CCDC28A: variants seen among roughly 807,000 people sequenced by gnomAD.
CCDC28A encodes the protein coiled-coil domain containing 28A, also known as coiled-coil domain-containing protein 28A.
Under a neutral mutation model 22.1 loss-of-function variants are expected in CCDC28A, and 24 were observed. The ratio of observed to expected loss-of-function variants is 1.09; its 90% CI spans 0.79 to 1.53. The LOEUF is 1.53. Among genes scored for constraint, CCDC28A ranks in the 40% most tolerant of loss-of-function variants. The pLI is 0.00. For missense variants in CCDC28A, 170 were observed against 210.7 expected (o/e 0.81, Z 1.20); for synonymous variants, 83 against 74.7 (o/e 1.11, Z -0.57).
intron 4 of CCDC28A, among the ~76,000 whole-genome samples, chr6:138,785,670 ATTATTTTACTTAATG>A (rs1264756892): frequency 6.6e-6 from 1 of 152,118 alleles, no homozygotes; most frequent in Non-Finnish European, 1.5e-5. Context: ...GACTAAATGG[ATTATTTTACTTAATG>A]TTCAAGTTTC....
intron 3 of CCDC28A, 66 bp downstream of exon 3, chr6:138,780,051 A>G (rs2114903006): frequency 3.3e-6 from 4 of 1,209,536 alleles, no homozygotes; most frequent in Non-Finnish European, 4.5e-6. Context: ...TTCTGTGTGT[A>G]TTTTACTCTT....
chr6:138,786,803 A>T (rs908240313), intron 4 of CCDC28A, among the ~76,000 whole-genome samples: 3 of 152,156 alleles, frequency 2.0e-5, no homozygotes, highest in African/African-American at 7.2e-5. Flanking sequence ...TTTAGTAGAG[A>T]TAGGGTTTCA....
At position 138,792,942 on chromosome 6, in the gene CCDC28A, T is replaced by TA. The variant is rs1188492483; in HGVS notation, c.*140dup. On this transcript the variant is annotated 3_prime_UTR_variant, in exon 6 of 6. Coordinates refer to ENST00000617445, the MANE Select transcript of CCDC28A (RefSeq NM_015439.3). ...TGCAAGTTCAATGATCGTTTTCACT[T>TA]ACTGCTTTTAGTAAATGTGACTCGC... The TA allele has an allele frequency of 1.1e-5, 7 of 638,284 alleles. No homozygotes were observed. The highest frequency in any genetic ancestry group is 1.7e-5 in the Non-Finnish European group (6 of 358,700). The allele number at this position is 638,284 out of a possible 1,614,324, so 39.5% of individuals were successfully genotyped here. A position where few individuals can be genotyped will look rare whatever the true frequency, so the allele number is the denominator to read the frequency against.
Position 138,779,935 on chromosome 6 carries a change from G to C in CCDC28A, c.272G>C (p.Gly91Ala), listed in dbSNP as rs1233760962. The C allele has an allele frequency of 1.2e-6, 2 of 1,613,484 alleles. No individual in the cohort carries two copies. Among genetic ancestry groups the C allele is most frequent in the African/African-American group, 2.7e-5 (2 of 74,852 alleles). Residue 91 changes from glycine to alanine, a missense_variant, in exon 3 of 6, where the codon GGG becomes GCG. Transcript: ENST00000617445. ...TCAGATGTTCAGGAGATGGAGAGAG[G>C]GCTGCTCAGTCTTTTGAATGATTTC... Reference protein sequence around the residue: ...DVSDVQEMERGLLSLLNDFHS... With the variant: ...DVSDVQEMERALLSLLNDFHS...
intron 1 of CCDC28A, 59 bp from the exon 2 acceptor site, chr6:138,776,020 A>G (rs1044116171): frequency 1.4e-6 from 2 of 1,413,192 alleles, no homozygotes; most frequent in African/African-American, 2.9e-5. Flanking sequence ...GGGTCTTTGA[A>G]TTTCTTTCAT....
intron 5 of CCDC28A, among the ~76,000 whole-genome samples, chr6:138,791,370 C>G (rs943892246): frequency 2.0e-5 from 3 of 152,164 alleles, no homozygotes; most frequent in African/African-American, 7.2e-5. Context: ...GCGTGAGTCA[C>G]CACGCCCAGC....
chr6:138,792,907 G>T lies in CCDC28A; in HGVS notation c.*104G>T, dbSNP rs542257697. The T allele has an allele frequency of 4.3e-4, 316 of 727,238 alleles. No individual in the cohort carries two copies. Among genetic ancestry groups the T allele is most frequent in the Admixed American group, 3.5e-3 (148 of 42,374 alleles). 45.0% of individuals were successfully genotyped at this position (727,238 alleles called of 1,614,324 possible). A position where few individuals can be genotyped will look rare whatever the true frequency, so the allele number is the denominator to read the frequency against. Reference sequence around the variant, plus strand: ...TCATCTTCCACAACAAGGAATTAAAGTAATTAAAGTGCAAGTTCAATGATC... The same window carrying T: ...TCATCTTCCACAACAAGGAATTAAATTAATTAAAGTGCAAGTTCAATGATC... On this transcript the variant is annotated 3_prime_UTR_variant, in exon 6 of 6. Transcript: ENST00000617445.
intron 3 of CCDC28A, among the ~76,000 whole-genome samples, chr6:138,781,369 C>T (rs1775018384): frequency 1.3e-5 from 2 of 152,198 alleles, no homozygotes; most frequent in African/African-American, 4.8e-5. Flanking sequence ...ATGGCATAGT[C>T]AACATCTTTT....
intron 3 of CCDC28A, among the ~76,000 whole-genome samples, chr6:138,780,819 G>T (rs923993362): frequency 6.6e-6 from 1 of 152,022 alleles, no homozygotes; most frequent in South Asian, 2.1e-4. Flanking sequence ...TGATCTGCCC[G>T]CCTCGGCCTC....
At chr6:138,788,886 A>G (rs1775132003) in intron 5 of CCDC28A, among the ~76,000 whole-genome samples, 1 of 152,166 alleles carries the variant, frequency 6.6e-6, no homozygotes, top group South Asian at 2.1e-4. Context: ...GTTAGTTGCT[A>G]TGTAAATTAT....
chr6:138,775,762 A>T (rs1175460074), intron 1 of CCDC28A, among the ~76,000 whole-genome samples: 4 of 152,206 alleles, frequency 2.6e-5, no homozygotes. Flanking sequence ...TTGAGGTCAA[A>T]CACCTTGTTC....
intron 2 of CCDC28A, among the ~76,000 whole-genome samples, chr6:138,778,276 T>C (rs1009205908): frequency 6.6e-6 from 1 of 152,210 alleles, no homozygotes; most frequent in African/African-American, 2.4e-5. Flanking sequence ...TACTTCCGTG[T>C]CGGGATTTGT....
chr6:138,774,612 T>C (rs966206150), intron 1 of CCDC28A, among the ~76,000 whole-genome samples: 1 of 152,246 alleles, frequency 6.6e-6, no homozygotes, highest in Non-Finnish European at 1.5e-5. Context: ...GTAGCTCCAG[T>C]TGTAATTGTC....
chr6:138,787,535 A>T lies in CCDC28A; in HGVS notation c.478-831A>T, dbSNP rs140513245. Among the ~76,000 whole-genome samples the T allele has an allele frequency of 2.4e-4, 37 of 152,356 alleles. No individual in the cohort carries two copies. In the East Asian group the frequency reaches 4.2e-3, roughly 17 times the overall value. On this transcript the variant is annotated intron_variant, in intron 4 of 5. Coordinates refer to ENST00000617445, the MANE Select transcript of CCDC28A (RefSeq NM_015439.3). ...CTCATATAGAAAATTGAGTGACGTG[A>T]AATCTTTTTGTAATCTATGATGGTT...
intron 4 of CCDC28A, among the ~76,000 whole-genome samples, chr6:138,787,552 A>G (rs536670966): frequency 6.6e-6 from 1 of 152,156 alleles, no homozygotes; most frequent in African/African-American, 2.4e-5. Context: ...TTTGTAATCT[A>G]TGATGGTTTT....
intron 1 of CCDC28A, among the ~76,000 whole-genome samples, chr6:138,774,437 G>A (rs1261162665): frequency 6.6e-6 from 1 of 152,118 alleles, no homozygotes; most frequent in Non-Finnish European, 1.5e-5. Context: ...CATTTAATTT[G>A]TGTTGCATGT....
chr6:138,786,382 T>C (rs1419013338), intron 4 of CCDC28A, among the ~76,000 whole-genome samples: 2 of 152,250 alleles, frequency 1.3e-5, no homozygotes, highest in Non-Finnish European at 2.9e-5. Context: ...TAATTAAATT[T>C]GCCTCTTTAA....
At chr6:138,786,298 G>GT (rs1775093477) in intron 4 of CCDC28A, among the ~76,000 whole-genome samples, 1 of 152,090 alleles carries the variant, frequency 6.6e-6, no homozygotes, top group Non-Finnish European at 1.5e-5. Context: ...TGGGGGTGAG[G>GT]ACTAAGACAT....
At chr6:138,779,422 T>C (rs1409563326) in intron 2 of CCDC28A, among the ~76,000 whole-genome samples, 1 of 152,086 alleles carries the variant, frequency 6.6e-6, no homozygotes, top group Admixed American at 6.6e-5. Flanking sequence ...GGCTACAGAG[T>C]AGGGACTCCA....
Sources: allele counts gnomAD v4.1 joint callset (sites outside exome capture counted in the v4.1 genomes callset), GRCh38; gene constraint gnomAD v4.1.1; transcripts MANE v1.5; gene names NCBI Gene and HGNC (gene_info 2026-07-23, HGNC 2026-07-21).